TMCC1: variants seen among roughly 807,000 people sequenced by gnomAD.
The protein encoded by TMCC1 is transmembrane and coiled-coil domains protein 1.
In TMCC1, 15 loss-of-function variants were observed where a neutral mutation model predicts 52.4. The observed-to-expected ratio is 0.29, with a 90% CI of 0.19 to 0.44. The LOEUF is 0.44. TMCC1 is among the 20% of genes least tolerant of loss of function. The pLI is 1.00. For missense variants in TMCC1, 503 were observed against 806.0 expected, an observed-to-expected ratio of 0.62 and a Z score of 4.55; for synonymous variants, 279 against 301.9, an observed-to-expected ratio of 0.92 and a Z score of 0.79.
intron 2 of TMCC1, among the ~76,000 whole-genome samples, chr3:129,867,623 C>T (rs1359248828): frequency 6.6e-6 from 1 of 152,166 alleles, no homozygotes; most frequent in Non-Finnish European, 1.5e-5. Flanking sequence ...TCTAATGTAA[C>T]TCTACCAGAG....
intron 2 of TMCC1, among the ~76,000 whole-genome samples, chr3:129,879,922 C>T (rs1321709595): frequency 2.0e-5 from 3 of 152,072 alleles, no homozygotes; most frequent in Non-Finnish European, 4.4e-5. Context: ...ACCTGTAATC[C>T]CAGCACTTTG....
chr3:129,824,409 C>A (rs544092025), intron 4 of TMCC1, among the ~76,000 whole-genome samples: 1 of 152,242 alleles, frequency 6.6e-6, no homozygotes, highest in South Asian at 2.1e-4. Flanking sequence ...CTTTGCATAA[C>A]AAATTTACCA....
intron 4 of TMCC1, among the ~76,000 whole-genome samples, chr3:129,804,713 C>T (rs141213360): frequency 1.2e-3 from 178 of 152,236 alleles, no homozygotes; most frequent in African/African-American, 3.7e-3. Context: ...CTAATTGTCA[C>T]ATCAATGAAT....
intron 1 of TMCC1, among the ~76,000 whole-genome samples, chr3:129,891,512 CAA>C (rs1406394043): frequency 2.0e-5 from 3 of 152,130 alleles, no homozygotes; most frequent in African/African-American, 7.2e-5. Flanking sequence ...TGAGTAGTTG[CAA>C]AAGAGATCAT....
At chr3:129,676,497 A>G (rs765949744) in intron 4 of TMCC1, among the ~76,000 whole-genome samples, 3 of 152,220 alleles carry the variant, frequency 2.0e-5, no homozygotes, top group Non-Finnish European at 4.4e-5. Context: ...GAATTAATTG[A>G]CAGAAAACAA....
At chr3:129,783,685 T>G (rs1260500368) in intron 4 of TMCC1, among the ~76,000 whole-genome samples, 1 of 152,236 alleles carries the variant, frequency 6.6e-6, no homozygotes, top group Non-Finnish European at 1.5e-5. Flanking sequence ...TTCACATCCA[T>G]TGTTTCATTT....
intron 4 of TMCC1, among the ~76,000 whole-genome samples, chr3:129,776,472 A>G (rs576775496): frequency 1.3e-5 from 2 of 152,318 alleles, no homozygotes; most frequent in African/African-American, 4.8e-5. Flanking sequence ...GGAAGTATAT[A>G]GAGAGAATAA....
intron 4 of TMCC1, among the ~76,000 whole-genome samples, chr3:129,796,263 C>T (rs1225163935): frequency 6.6e-6 from 1 of 152,092 alleles, no homozygotes; most frequent in Non-Finnish European, 1.5e-5. Flanking sequence ...CAGGCTATAC[C>T]ATATAGCCGA....
chr3:129,658,284 G>A (rs541275275), intron 5 of TMCC1, among the ~76,000 whole-genome samples: 1 of 152,174 alleles, frequency 6.6e-6, no homozygotes, highest in Admixed American at 6.5e-5. Flanking sequence ...CCCACAACAT[G>A]GACTTCCTTC....
chr3:129,694,511 T>G (rs1181667661), intron 4 of TMCC1, among the ~76,000 whole-genome samples: 2 of 152,172 alleles, frequency 1.3e-5, no homozygotes, highest in African/African-American at 4.8e-5. Flanking sequence ...AGTCACAAGA[T>G]GAGATAGGAG....
At chr3:129,813,791 T>G (rs1351642801) in intron 4 of TMCC1, among the ~76,000 whole-genome samples, 14 of 150,452 alleles carry the variant, frequency 9.3e-5, no homozygotes, top group Admixed American at 9.3e-4. Flanking sequence ...CTCCTGAACC[T>G]AAAATAAAAG....
rs574717070 is a variant in TMCC1 at position 129,679,539 on chromosome 3, C to T, written c.577-8275G>A. Among the ~76,000 whole-genome samples the T allele has an allele frequency of 1.6e-3, 241 of 152,192 alleles. 2 individuals carry two copies. The highest frequency in any genetic ancestry group is 5.5e-3 in the African/African-American group (230 of 41,492). On this transcript the variant is annotated intron_variant, in intron 4 of 6. Coordinates refer to ENST00000393238, the MANE Select transcript of TMCC1 (RefSeq NM_001017395.5). ...CAGGATGGTCTTGAACTCCTGACCT[C>T]GTGATCCGCCCACCTTGGCCTCCCA...
At chr3:129,800,573 A>G (rs2057123868) in intron 4 of TMCC1, among the ~76,000 whole-genome samples, 1 of 152,042 alleles carries the variant, frequency 6.6e-6, no homozygotes, top group Admixed American at 6.6e-5. Flanking sequence ...GAAGTTACTT[A>G]GAACTTTAAT....
intron 2 of TMCC1, among the ~76,000 whole-genome samples, chr3:129,876,940 G>T (rs551321215): frequency 6.6e-6 from 1 of 152,168 alleles, no homozygotes; most frequent in African/African-American, 2.4e-5. Flanking sequence ...CTGGACAACA[G>T]AGCGAGACTC....
At chr3:129,731,073 T>C (rs1006261502) in intron 4 of TMCC1, among the ~76,000 whole-genome samples, 1 of 152,144 alleles carries the variant, frequency 6.6e-6, no homozygotes, top group Non-Finnish European at 1.5e-5. Flanking sequence ...AGCAGACCAA[T>C]AGCCCTCATA....
intron 4 of TMCC1, among the ~76,000 whole-genome samples, chr3:129,768,970 T>C (rs1486644089): frequency 6.6e-6 from 1 of 152,206 alleles, no homozygotes; most frequent in Admixed American, 6.5e-5. Context: ...GCCTCAACCC[T>C]GACCTCACAG....
intron 4 of TMCC1, among the ~76,000 whole-genome samples, chr3:129,711,960 C>A (rs1319904083): frequency 1.4e-5 from 2 of 138,280 alleles, no homozygotes; most frequent in Non-Finnish European, 3.0e-5. Context: ...CGAGATGGTG[C>A]CACTGCATTC....
intron 4 of TMCC1, among the ~76,000 whole-genome samples, chr3:129,718,122 A>G (rs2049249353): frequency 6.6e-6 from 1 of 152,252 alleles, no homozygotes; most frequent in Admixed American, 6.5e-5. Context: ...AAACATATGC[A>G]GACACTAAGT....
intron 5 of TMCC1, among the ~76,000 whole-genome samples, chr3:129,660,187 G>A (rs72977232): frequency 6.6e-4 from 100 of 152,104 alleles, no homozygotes; most frequent in African/African-American, 2.3e-3. Flanking sequence ...TTTCTCTGTC[G>A]CCCAGGTTGG....
Sources: gnomAD v4.1 joint callset for allele counts (sites outside exome capture counted in the v4.1 genomes callset) on GRCh38, gnomAD v4.1.1 for gene constraint, MANE v1.5 for transcripts, NCBI Gene and HGNC (gene_info 2026-07-23, HGNC 2026-07-21) for gene names.